Variants in CFAP91 observed in about 807,000 individuals in gnomAD.
CFAP91 encodes the protein cilia- and flagella-associated protein 91.
CFAP91 carries 85 observed loss-of-function variants against 95.9 expected under a neutral mutation model. That is an observed-to-expected ratio of 0.89 (90% confidence interval 0.74 to 1.06). The LOEUF is 1.06. Among genes scored for constraint, CFAP91 ranks in the 50% least tolerant of loss-of-function variants. The pLI is 0.00. For missense variants in CFAP91, 962 were observed against 943.4 expected, an observed-to-expected ratio of 1.02 and a Z score of -0.26; for synonymous variants, 335 against 327.5, an observed-to-expected ratio of 1.02 and a Z score of -0.25.
intron 16 of CFAP91, among the ~76,000 whole-genome samples, chr3:119,749,522 A>G (rs976271052): frequency 6.9e-6 from 1 of 143,972 alleles, no homozygotes; most frequent in African/African-American, 2.5e-5. Context: ...GACCCTGTCT[A>G]AAAAAAAAAA....
chr3:119,757,846 C>T (rs901891984), intron 17 of CFAP91, among the ~76,000 whole-genome samples: 1 of 151,948 alleles, frequency 6.6e-6, no homozygotes, highest in African/African-American at 2.4e-5. Flanking sequence ...TACAGAGGAG[C>T]CCCCAGAGTA....
chr3:119,703,855 C>T (rs2107847899), intron 1 of CFAP91, among the ~76,000 whole-genome samples: 1 of 152,286 alleles, frequency 6.6e-6, no homozygotes, highest in South Asian at 2.1e-4. Flanking sequence ...AGCACCTATT[C>T]TAGTGCTGAT....
chr3:119,733,487 A>C lies in CFAP91; in HGVS notation c.1325A>C (p.Glu442Ala). The change falls in exon 10 of 18, where the codon GAG becomes GCG. Residue 442 changes from glutamate (E) to alanine (A), a missense_variant. By Grantham distance (107) the Glu-to-Ala change is moderately radical. Coordinates refer to ENST00000273390, the MANE Select transcript of CFAP91 (RefSeq NM_033364.4). Reference sequence around the variant, plus strand: ...AAGAGGGCAGCAAGGTTGGACTATGAGTTGGCAGAGGTTCATAAGGTATAA... The same window carrying C: ...AAGAGGGCAGCAAGGTTGGACTATGCGTTGGCAGAGGTTCATAAGGTATAA... ...FLKRAARLDY[E>A]LAEVHKALLD... The C allele has an allele frequency of 6.2e-7, 1 of 1,613,782 alleles. No homozygotes were observed. The highest frequency in any genetic ancestry group is 8.5e-7 in the Non-Finnish European group (1 of 1,179,916).
chr3:119,736,179 C>T (rs2053998402), intron 10 of CFAP91, among the ~76,000 whole-genome samples: 1 of 151,924 alleles, frequency 6.6e-6, no homozygotes, highest in Admixed American at 6.6e-5. Context: ...TTTGTCATCC[C>T]CAAAACAAAC....
At chr3:119,758,896 G>A (rs973827571) in intron 17 of CFAP91, among the ~76,000 whole-genome samples, 6 of 152,022 alleles carry the variant, frequency 3.9e-5, no homozygotes, top group Admixed American at 6.5e-5. Context: ...TAAGCAAAAT[G>A]TTATTCCCCC....
chr3:119,719,783 T>A (rs942309084), intron 6 of CFAP91, among the ~76,000 whole-genome samples: 1 of 152,166 alleles, frequency 6.6e-6, no homozygotes, highest in South Asian at 2.1e-4. Flanking sequence ...ACGAGAGTGC[T>A]ATGAATATCT....
Position 119,751,728 on chromosome 3 carries a change from C to T in CFAP91, c.*1+630C>T, listed in dbSNP as rs146890690. Among the ~76,000 whole-genome samples the T allele has an allele frequency of 3.1e-4, 47 of 152,294 alleles. No individual in the cohort carries two copies. The East Asian group carries it at 6.6e-3, about 21-fold the overall frequency. On this transcript the variant is annotated intron_variant, in intron 17 of 17. Transcript: ENST00000273390. ...GCTGTTTTCTTTAGTCCTTAGTTTA[C>T]GGAGTGCAGATACAATACAAGGAAA...
chr3:119,725,869 T>C (rs1013351035), intron 6 of CFAP91, among the ~76,000 whole-genome samples: 2 of 152,226 alleles, frequency 1.3e-5, no homozygotes, highest in African/African-American at 4.8e-5. Flanking sequence ...AGTATATAAA[T>C]TTGTTTATTA....
chr3:119,713,011 C>T (rs1310367147), intron 5 of CFAP91: 1 of 151,840 alleles, frequency 6.6e-6, no homozygotes, highest in East Asian at 1.9e-4. Flanking sequence ...TGCTCCAGCA[C>T]AGGTTGAACT....
At chr3:119,755,140 C>T (rs1252322796) in intron 17 of CFAP91, among the ~76,000 whole-genome samples, 1 of 152,156 alleles carries the variant, frequency 6.6e-6, no homozygotes, top group Non-Finnish European at 1.5e-5. Context: ...TCTTGAGTCT[C>T]ACCCGTACTT....
intron 9 of CFAP91, 32 bp downstream of exon 9, chr3:119,732,508 T>A: frequency 1.5e-6 from 2 of 1,376,348 alleles, no homozygotes; most frequent in Non-Finnish European, 2.0e-6. Context: ...AAATCCAGTA[T>A]AAGAAGGTTG....
chr3:119,714,788 A>C (rs924478167), intron 5 of CFAP91, among the ~76,000 whole-genome samples: 1 of 152,092 alleles, frequency 6.6e-6, no homozygotes, highest in Admixed American at 6.5e-5. Context: ...TTTGTTTGTG[A>C]TATTTTGAGG....
intron 5 of CFAP91, among the ~76,000 whole-genome samples, chr3:119,712,721 G>A (rs1327948210): frequency 1.3e-5 from 2 of 152,016 alleles, no homozygotes; most frequent in African/African-American, 2.4e-5. Flanking sequence ...TTGGAAGGCC[G>A]AGGCAGGAGG....
intron 6 of CFAP91, among the ~76,000 whole-genome samples, chr3:119,720,184 C>T (rs937800715): frequency 2.7e-5 from 4 of 149,844 alleles, no homozygotes; most frequent in Non-Finnish European, 3.0e-5. Context: ...GTCAAGAGAT[C>T]GAGACCATCT....
Position 119,747,380 on chromosome 3 carries a change from C to T in CFAP91, c.2051+117C>T, listed in dbSNP as rs571966226. 6.0e-5 allele frequency: 71 copies of T among 1,184,414 alleles called. No individual in the cohort carries two copies. In the Admixed American group the frequency reaches 9.4e-4, roughly 16 times the overall value. 73.4% of individuals were successfully genotyped at this position (1,184,414 alleles called of 1,614,324 possible). A position where few individuals can be genotyped will look rare whatever the true frequency, so the allele number is the denominator to read the frequency against. ...TAGAAACAAATAACTCATACTTCAG[C>T]GTCCATTGTTTTATTAACATTAACT... is the stretch of plus-strand genomic sequence containing the variant. On this transcript the variant is annotated intron_variant, in intron 15 of 17. Transcript: ENST00000273390.
chr3:119,755,158 A>G (rs2054402331), intron 17 of CFAP91, among the ~76,000 whole-genome samples: 1 of 152,154 alleles, frequency 6.6e-6, no homozygotes, highest in Non-Finnish European at 1.5e-5. Context: ...CTTCATTTGG[A>G]TAATATTTAT....
At chr3:119,753,297 T>C (rs898573722) in intron 17 of CFAP91, among the ~76,000 whole-genome samples, 11 of 152,104 alleles carry the variant, frequency 7.2e-5, no homozygotes, top group Non-Finnish European at 1.5e-5. Flanking sequence ...GTAAACCTTC[T>C]TCATTTGGGT....
At chr3:119,758,071 G>A (rs2054466790) in intron 17 of CFAP91, among the ~76,000 whole-genome samples, 1 of 152,072 alleles carries the variant, frequency 6.6e-6, no homozygotes, top group African/African-American at 2.4e-5. Flanking sequence ...TTGGTTGGTT[G>A]GTTTTTGGTC....
At position 119,740,671 on chromosome 3, in the gene CFAP91, G is replaced by T. The variant is rs138018444; in HGVS notation, c.1656G>T (p.Arg552=). 11 of 1,614,146 alleles carry T rather than the reference G, an allele frequency of 6.8e-6. No homozygotes were observed. In the African/African-American group the frequency reaches 1.5e-4, roughly 22 times the overall value. Residue 552 remains arginine (R), a synonymous_variant, in exon 13 of 18, where the codon CGG becomes CGT. Transcript: ENST00000273390. ...AEKQVTLALQ[R]QRNLHEHKVS... ...AGCAAGTGACCCTGGCCTTACAGCG[G>T]CAGAGGAACTTGCATGAGCACAAGG...
Sources: gnomAD v4.1 joint callset for allele counts (sites outside exome capture counted in the v4.1 genomes callset) on GRCh38, gnomAD v4.1.1 for gene constraint, MANE v1.5 for transcripts, NCBI Gene and HGNC (gene_info 2026-07-23, HGNC 2026-07-21) for gene names.